The following PSD3 variants were observed in gnomAD, a reference collection of about 807,000 sequenced individuals.
PSD3 encodes the protein pleckstrin and Sec7 domain containing 3, also known as PH and SEC7 domain-containing protein 3.
In PSD3, 49 loss-of-function variants were observed where a neutral mutation model predicts 105.5. The ratio of observed to expected loss-of-function variants is 0.46; its 90% CI spans 0.37 to 0.59. The LOEUF (loss-of-function observed/expected upper bound fraction) is 0.59. Ranked by LOEUF, PSD3 falls within the 20% of genes least tolerant of loss-of-function variation. PSD3 has a pLI of 0.00. For synonymous variants in PSD3, 557 were observed against 457.8 expected (o/e 1.22, Z -2.77); for missense variants, 1,561 against 1,263.8 (o/e 1.24, Z -3.57).
intron 9 of PSD3, among the ~76,000 whole-genome samples, chr8:18,690,016 C>A (rs950050093): frequency 6.6e-6 from 1 of 152,112 alleles, no homozygotes; most frequent in Non-Finnish European, 1.5e-5. Context: ...TCCTCCTATG[C>A]TATTTGTTTC....
intron 4 of PSD3, among the ~76,000 whole-genome samples, chr8:18,859,741 A>G (rs1816293334): frequency 6.6e-6 from 1 of 152,168 alleles, no homozygotes; most frequent in South Asian, 2.1e-4. Flanking sequence ...TTTTGGCTGC[A>G]GCTCCCTCAC....
At chr8:19,024,599 G>A (rs1421353909) in intron 1 of PSD3, among the ~76,000 whole-genome samples, 1 of 152,184 alleles carries the variant, frequency 6.6e-6, no homozygotes, top group African/African-American at 2.4e-5. Context: ...TTAATGAGGT[G>A]ACTTAGGATG....
chr8:18,622,403 A>AT (rs1806179750), intron 11 of PSD3, among the ~76,000 whole-genome samples: 1 of 152,198 alleles, frequency 6.6e-6, no homozygotes, highest in Admixed American at 6.5e-5. Context: ...CCACTGTGTC[A>AT]TAATAGGCTG....
intron 11 of PSD3, among the ~76,000 whole-genome samples, chr8:18,628,252 A>C (rs1277718621): frequency 1.3e-5 from 2 of 151,940 alleles, no homozygotes; most frequent in Non-Finnish European, 2.9e-5. Flanking sequence ...CCAAATAAGG[A>C]AAACATAAAG....
chr8:18,716,385 G>GCCTCTA (rs1268261422), intron 9 of PSD3, among the ~76,000 whole-genome samples: 1 of 152,156 alleles, frequency 6.6e-6, no homozygotes, highest in African/African-American at 2.4e-5. Context: ...ATGGAAAAAT[G>GCCTCTA]CCTCTATGAA....
At chr8:18,845,636 A>C (rs1815021991) in intron 4 of PSD3, among the ~76,000 whole-genome samples, 1 of 152,132 alleles carries the variant, frequency 6.6e-6, no homozygotes, top group Admixed American at 6.5e-5. Flanking sequence ...CTGCAGCATC[A>C]ATTAGAAATA....
At chr8:18,705,298 C>G (rs1158391025) in intron 9 of PSD3, among the ~76,000 whole-genome samples, 1 of 151,966 alleles carries the variant, frequency 6.6e-6, no homozygotes, top group East Asian at 1.9e-4. Flanking sequence ...GAGGCCAAGC[C>G]GGGTGGACTG....
At chr8:18,985,034 A>G (rs771745012) in intron 1 of PSD3, among the ~76,000 whole-genome samples, 8 of 152,172 alleles carry the variant, frequency 5.3e-5, no homozygotes, top group Non-Finnish European at 1.0e-4. Flanking sequence ...TCCAGGTTCA[A>G]GCGATTCTCG....
chr8:18,937,705 T>C (rs1220302682), intron 1 of PSD3, among the ~76,000 whole-genome samples: 1 of 152,232 alleles, frequency 6.6e-6, no homozygotes, highest in Non-Finnish European at 1.5e-5. Context: ...GGTTGTTAAT[T>C]ATCCTTTTCC....
chr8:18,870,007 T>A (rs1351804749), intron 3 of PSD3, among the ~76,000 whole-genome samples: 1 of 152,040 alleles, frequency 6.6e-6, no homozygotes, highest in African/African-American at 2.4e-5. Context: ...ACAGTAAAAG[T>A]GCATATTCCA....
chr8:18,983,683 C>G (rs1235060706), intron 1 of PSD3, among the ~76,000 whole-genome samples: 1 of 151,828 alleles, frequency 6.6e-6, no homozygotes, highest in South Asian at 2.1e-4. Flanking sequence ...TCTTGGTGTC[C>G]CAAAGCAATT....
chr8:19,080,668 A>T (rs1178225373), intron 1 of PSD3, among the ~76,000 whole-genome samples: 1 of 152,158 alleles, frequency 6.6e-6, no homozygotes, highest in East Asian at 1.9e-4. Flanking sequence ...AACCCTGAAC[A>T]GTCTTACAAG....
At chr8:18,935,263 G>A (rs1477955814) in intron 2 of PSD3, among the ~76,000 whole-genome samples, 1 of 152,038 alleles carries the variant, frequency 6.6e-6, no homozygotes, top group East Asian at 1.9e-4. Flanking sequence ...AACTAGATTA[G>A]GCCAATACTA....
At chr8:18,674,272 A>AG (rs1370037861) in intron 9 of PSD3, among the ~76,000 whole-genome samples, 1 of 152,202 alleles carries the variant, frequency 6.6e-6, no homozygotes, top group Non-Finnish European at 1.5e-5. Context: ...CTGCCCTCAG[A>AG]GGTAGCCAGT....
intron 4 of PSD3, among the ~76,000 whole-genome samples, chr8:18,848,269 C>G (rs1416810240): frequency 1.3e-5 from 2 of 152,156 alleles, no homozygotes; most frequent in Non-Finnish European, 2.9e-5. Flanking sequence ...AAACTGAACG[C>G]AACACAACAT....
chr8:18,537,830 C>A (rs1799925485), intron 15 of PSD3, among the ~76,000 whole-genome samples: 1 of 152,172 alleles, frequency 6.6e-6, no homozygotes, highest in Non-Finnish European at 1.5e-5. Flanking sequence ...GCGCACACCA[C>A]CACACCCAGC....
intron 8 of PSD3, among the ~76,000 whole-genome samples, chr8:18,798,876 G>T (rs1273790221): frequency 7.2e-6 from 1 of 139,564 alleles, no homozygotes. Context: ...TAGATAAGCT[G>T]AGGGGCACAA....
intron 4 of PSD3, among the ~76,000 whole-genome samples, chr8:18,862,188 C>T (rs1477889274): frequency 1.3e-5 from 2 of 152,062 alleles, no homozygotes; most frequent in Non-Finnish European, 2.9e-5. Flanking sequence ...AATCTCGTTT[C>T]CTCCTCCTTC....
At chr8:18,630,499 C>T (rs913196780) in intron 11 of PSD3, among the ~76,000 whole-genome samples, 4 of 151,884 alleles carry the variant, frequency 2.6e-5, no homozygotes, top group African/African-American at 9.7e-5. Context: ...TTGGAATAAA[C>T]TAACCAATTA....
Sources: gnomAD v4.1 joint callset for allele counts (sites outside exome capture counted in the v4.1 genomes callset) on GRCh38, gnomAD v4.1.1 for gene constraint, MANE v1.5 for transcripts, NCBI Gene and HGNC (gene_info 2026-07-23, HGNC 2026-07-21) for gene names.